The following PCLO variants were observed in gnomAD, a reference collection of about 807,000 sequenced individuals.
PCLO encodes the protein protein piccolo.
Under a neutral mutation model 427.5 loss-of-function variants are expected in PCLO, and 82 were observed. That is an observed-to-expected ratio of 0.19 (90% CI 0.16 to 0.23). PCLO has a LOEUF of 0.23. PCLO is among the 10% of genes least tolerant of loss of function. The pLI is 1.00. For synonymous variants in PCLO, 2,357 were observed against 2,155.4 expected (o/e 1.09, Z -2.59); for missense variants, 6,239 against 6,115.9 (o/e 1.02, Z -0.67).
chr7:82,967,558 A>G (rs1045362601), intron 3 of PCLO, among the ~76,000 whole-genome samples: 1 of 152,158 alleles, frequency 6.6e-6, no homozygotes, highest in African/African-American at 2.4e-5. Flanking sequence ...TTAGACATAC[A>G]AATTCCTAGG....
In PCLO at chr7:83,162,874, G is replaced by T; in HGVS notation, c.-282C>A. 4.1e-6 allele frequency: 2 copies of T among 485,612 alleles called. No homozygotes were observed. 30.1% of individuals were successfully genotyped at this position (485,612 alleles called of 1,614,324 possible). On this transcript the variant is annotated 5_prime_UTR_variant, in exon 1 of 25. Coordinates refer to ENST00000333891, the MANE Select transcript of PCLO (RefSeq NM_033026.6). ...CCGCCTCGGCGCCCCGAGCCGGGGA[G>T]AAGCAGATCTGAGCGGTGCCAGCCG...
rs772890166 is a variant in PCLO, at chr7:83,154,834, C to T, written c.1807G>A (p.Glu603Lys). Residue 603 changes from glutamate to lysine, a missense_variant, in exon 2 of 25, where the codon GAA becomes AAA. Physicochemically the swap from Glu to Lys is moderately conservative, Grantham distance 56 (BLOSUM62 1). This residue lies in a region of PCLO where 4,677 missense variants were observed against 4,468.4 expected (regional missense o/e 1.05). Transcript: ENST00000333891. ...GTGCATGTGTTAAAATTGGCCTTTT[C>T]TGGAACATGCAACAGAAGTTCAGTG... ...NTTELLLHVPEKANFNTCTEC... is the reference protein window; with the variant it reads ...NTTELLLHVPKKANFNTCTEC... The T allele has an allele frequency of 8.1e-6, 13 of 1,613,808 alleles. No homozygotes were observed. In the South Asian group the frequency reaches 8.8e-5, roughly 11 times the overall value.
intron 3 of PCLO, among the ~76,000 whole-genome samples, chr7:83,023,014 T>A (rs1194450981): frequency 1.3e-5 from 2 of 152,180 alleles, no homozygotes; most frequent in Non-Finnish European, 2.9e-5. Context: ...AAATCTAAGA[T>A]AAATATCATC....
intron 6 of PCLO, among the ~76,000 whole-genome samples, chr7:82,942,698 G>GA (rs1232799556): frequency 6.6e-6 from 1 of 151,638 alleles, no homozygotes; most frequent in East Asian, 1.9e-4. Context: ...CATTTATTTT[G>GA]AAAAATACTT....
chr7:82,978,859 C>A (rs1352699552), intron 3 of PCLO, among the ~76,000 whole-genome samples: 257 of 16,354 alleles, frequency 0.016, no homozygotes, highest in East Asian at 0.033. Flanking sequence ...CACACACAAA[C>A]ACACACACAC....
intron 3 of PCLO, among the ~76,000 whole-genome samples, chr7:83,043,886 TAACTC>T (rs1158509621): frequency 6.7e-6 from 1 of 148,520 alleles, no homozygotes; most frequent in Non-Finnish European, 1.5e-5. Flanking sequence ...AAGAGAGCCT[TAACTC>T]AATCTTATTA....
Position 82,847,149 on chromosome 7 carries a change from A to G in PCLO, c.13753T>C (p.Cys4585Arg), listed in dbSNP as rs759311663. ...TGGGGAAAAACTCACAGTCTTACAC[A>G]TATTTCTGCTTCCCCACTTTGCTGA... ...ISQQSGEAEICVRLDLNMLSD... is the reference protein window; with the variant it reads ...ISQQSGEAEIRVRLDLNMLSD... Residue 4585 changes from cysteine to arginine, a missense_variant, in exon 11 of 25, where the codon TGT becomes CGT. Transcript: ENST00000333891. The G allele has an allele frequency of 1.3e-6, 2 of 1,569,540 alleles. No individual in the cohort carries two copies. The highest frequency in any genetic ancestry group is 1.8e-6 in the Non-Finnish European group (2 of 1,142,142).
At chr7:83,121,578 T>C (rs1791280754) in intron 3 of PCLO, among the ~76,000 whole-genome samples, 2 of 151,960 alleles carry the variant, frequency 1.3e-5, no homozygotes, top group South Asian at 4.1e-4. Context: ...AAAGACAGAG[T>C]GGCTGAATGG....
In PCLO at chr7:82,908,894, T is replaced by C. The variant is rs199523407; in HGVS notation, c.13420A>G (p.Ser4474Gly). The C allele has an allele frequency of 1.7e-5, 27 of 1,612,308 alleles. No homozygotes were observed. Among genetic ancestry groups the C allele is most frequent in the Non-Finnish European group, 2.0e-5 (23 of 1,179,004 alleles). ...GCACTTACTTGCTCTTGATGTTGAC[T>C]GAGTGGTCTAGAGTGGACCAATCTT... The part of the protein sequence containing the change: ...PERLVHSRPL[S>G]QHQEQIIQMN... Residue 4474 changes from serine (S) to glycine (G), a missense_variant, in exon 8 of 25, where the codon AGT becomes GGT. Ser to Gly is a moderately conservative substitution (Grantham distance 56). Around this residue, in one of 5 missense-constraint regions of PCLO, gnomAD observed 877 missense variants for 925.5 expected, o/e 0.95. Coordinates refer to ENST00000333891, the MANE Select transcript of PCLO (RefSeq NM_033026.6).
chr7:82,906,514 A>T (rs1304728363), intron 8 of PCLO, among the ~76,000 whole-genome samples: 2 of 152,080 alleles, frequency 1.3e-5, no homozygotes, highest in Non-Finnish European at 2.9e-5. Flanking sequence ...ATGAATTTTG[A>T]ATTTTATATA....
At chr7:82,812,906 A>G (rs1791601735) in intron 20 of PCLO, among the ~76,000 whole-genome samples, 2 of 151,226 alleles carry the variant, frequency 1.3e-5, no homozygotes, top group African/African-American at 4.8e-5. Flanking sequence ...CCAACTGACA[A>G]TTGGAGAAAA....
At chr7:82,991,360 T>C (rs1796372654) in intron 3 of PCLO, among the ~76,000 whole-genome samples, 1 of 151,530 alleles carries the variant, frequency 6.6e-6, no homozygotes, top group African/African-American at 2.4e-5. Flanking sequence ...ACTCCGTCTC[T>C]AAATAAATAA....
intron 3 of PCLO, among the ~76,000 whole-genome samples, chr7:83,086,642 T>C (rs1000054261): frequency 8.5e-5 from 13 of 152,112 alleles, no homozygotes; most frequent in Non-Finnish European, 1.8e-4. Context: ...TAAGAGTATT[T>C]TGGATGCTGG....
intron 3 of PCLO, among the ~76,000 whole-genome samples, chr7:83,098,647 T>TC (rs1790655794): frequency 6.6e-6 from 1 of 151,862 alleles, no homozygotes; most frequent in African/African-American, 2.4e-5. Context: ...ATATGTTCAT[T>TC]AAAAAATTGC....
In PCLO at chr7:82,951,046, A is replaced by G; in HGVS notation, c.9542T>C (p.Val3181Ala). The change falls in exon 6 of 25, where the codon GTT becomes GCT. Residue 3181 changes from valine (V) to alanine (A), a missense_variant. Transcript: ENST00000333891. ...TTCGGATGCTGTGGTTAAAGTGGGAACAGAGTCTATCGTCTCAGCAGTAAG... is the reference window on the plus strand; with the variant it reads ...TTCGGATGCTGTGGTTAAAGTGGGAGCAGAGTCTATCGTCTCAGCAGTAAG... ...ESLTAETIDSVPTLTTASEVF... is the reference protein window; with the variant it reads ...ESLTAETIDSAPTLTTASEVF... The G allele has an allele frequency of 6.2e-7, 1 of 1,613,924 alleles. No individual in the cohort carries two copies. Among genetic ancestry groups the G allele is most frequent in the Non-Finnish European group, 8.5e-7 (1 of 1,179,838 alleles).
chr7:82,888,220 C>A (rs1272365680), intron 9 of PCLO, among the ~76,000 whole-genome samples: 2 of 152,064 alleles, frequency 1.3e-5, no homozygotes, highest in Admixed American at 6.6e-5. Flanking sequence ...GATATTCCAG[C>A]AGTTAGGATG....
intron 3 of PCLO, among the ~76,000 whole-genome samples, chr7:83,084,241 G>T (rs1790174798): frequency 1.3e-5 from 2 of 151,848 alleles, no homozygotes; most frequent in Admixed American, 6.6e-5. Flanking sequence ...AATTGGACTT[G>T]GAGGTAGTGT....
chr7:83,065,385 G>A (rs73163014), intron 3 of PCLO, among the ~76,000 whole-genome samples: 13,775 of 149,838 alleles, frequency 0.092, 848 homozygotes, highest in Non-Finnish European at 0.13. Flanking sequence ...AAAAACTCTC[G>A]AAGTTCCCAA....
In PCLO at chr7:83,023,958, C is replaced by T. The variant is rs532184667; in HGVS notation, c.3301-57471G>A. Reference sequence around the variant, plus strand: ...CAAACAAAATTGATAGAAATGCTGCCGTTGAGTAATTCCCAAGAGCTGACT... The same window carrying T: ...CAAACAAAATTGATAGAAATGCTGCTGTTGAGTAATTCCCAAGAGCTGACT... On this transcript the variant is annotated intron_variant, in intron 3 of 24. Transcript: ENST00000333891. Among the ~76,000 whole-genome samples the T allele has an allele frequency of 1.3e-4, 20 of 152,232 alleles. No homozygotes were observed. The South Asian group carries it at 3.3e-3, about 25-fold the overall frequency.
Sources: allele counts gnomAD v4.1 joint callset (sites outside exome capture counted in the v4.1 genomes callset), GRCh38; gene constraint gnomAD v4.1.1; regional missense constraint gnomAD v4.1.1; transcripts MANE v1.5; gene names NCBI Gene and HGNC (gene_info 2026-07-23, HGNC 2026-07-21).